PCDHA2: variants seen among roughly 807,000 people sequenced by gnomAD.
The protein encoded by PCDHA2 is protocadherin alpha 2, also known as protocadherin alpha-2.
In PCDHA2, 58 loss-of-function variants were observed where a neutral mutation model predicts 66.0. The observed-to-expected ratio is 0.88, with a 90% CI of 0.71 to 1.09. The LOEUF is 1.09. Among genes scored for constraint, PCDHA2 ranks in the 50% least tolerant of loss-of-function variants. The pLI is 0.00. For synonymous variants in PCDHA2, 634 were observed against 554.0 expected (o/e 1.14, Z -2.03); for missense variants, 1,267 against 1,242.3 (o/e 1.02, Z -0.30).
At chr5:140,862,291 C>G (rs1029513176) in intron 1 of PCDHA2, 4 of 265,238 alleles carry the variant, frequency 1.5e-5, no homozygotes, top group African/African-American at 6.6e-5. Context: ...TACAGGAGGA[C>G]GCTCCACTGG....
intron 1 of PCDHA2, chr5:140,828,044 C>A (rs2150150318): frequency 6.5e-7 from 1 of 1,542,076 alleles, no homozygotes; most frequent in Admixed American, 2.1e-5. Flanking sequence ...AGTATTTTAT[C>A]TTTATGCGGA....
At position 140,877,744 on chromosome 5, in the gene PCDHA2, G is replaced by T. The variant is rs200651425; in HGVS notation, c.2388+80392G>T. ...TTACTCGCAGCAGAGGAGGCAGAGG[G>T]TGTGCTCTGCAGAGAGCCCGCCCAA... On this transcript the variant is annotated intron_variant, in intron 1 of 3. Coordinates refer to ENST00000526136, the MANE Select transcript of PCDHA2 (RefSeq NM_018905.3). The T allele has an allele frequency of 3.3e-3, 5,393 of 1,614,198 alleles. 26 individuals carry two copies. Among genetic ancestry groups the T allele is most frequent in the South Asian group, 0.011 (995 of 91,084 alleles).
chr5:140,830,233 G>T (rs2150183193), intron 1 of PCDHA2: 2 of 1,613,906 alleles, frequency 1.2e-6, no homozygotes, highest in East Asian at 4.5e-5. Context: ...TGGTCCTCAC[G>T]CTACTGCTGT....
intron 1 of PCDHA2, chr5:140,860,091 C>A (rs1199656209): frequency 4.0e-5 from 6 of 150,914 alleles, no homozygotes; most frequent in African/African-American, 1.5e-4. Context: ...GAGTTCAAGA[C>A]CAACCTGGGC....
Position 140,978,839 on chromosome 5 carries a change from C to CT in PCDHA2, c.2389-104dup, listed in dbSNP as rs5871758. On this transcript the variant is annotated intron_variant, in intron 1 of 3. Transcript: ENST00000526136. ...TACACATGAAATGGCTCATTCAATA[C>CT]TTTTTTAGATGCCTGGAAATATTTA... 14,607 of 1,556,970 alleles carry CT rather than the reference C, an allele frequency of 9.4e-3. 629 individuals carry two copies. The African/African-American group carries it at 0.12, about 13-fold the overall frequency.
chr5:140,926,680 A>C (rs2153583997), intron 1 of PCDHA2: 1 of 637,102 alleles, frequency 1.6e-6, no homozygotes, highest in Non-Finnish European at 2.4e-6. Flanking sequence ...CCCAGCCTCC[A>C]GCCTAGCAAG....
At chr5:140,925,866 G>A (rs952823745) in intron 1 of PCDHA2, among the ~76,000 whole-genome samples, 2 of 152,002 alleles carry the variant, frequency 1.3e-5, no homozygotes, top group Admixed American at 1.3e-4. Flanking sequence ...TATTGCTATT[G>A]ACTGGTTTAT....
intron 1 of PCDHA2, among the ~76,000 whole-genome samples, chr5:140,880,366 C>A (rs2058318245): frequency 6.6e-6 from 1 of 152,052 alleles, no homozygotes; most frequent in African/African-American, 2.4e-5. Flanking sequence ...AGATGAAAAC[C>A]ATGAGAGAAT....
intron 3 of PCDHA2, among the ~76,000 whole-genome samples, chr5:140,987,254 T>C (rs1358606591): frequency 1.3e-5 from 2 of 151,878 alleles, no homozygotes; most frequent in Non-Finnish European, 1.5e-5. Flanking sequence ...AAAGACATTC[T>C]CAGGAATGGG....
intron 1 of PCDHA2, among the ~76,000 whole-genome samples, chr5:140,799,583 A>T (rs1034924716): frequency 8.5e-5 from 13 of 152,082 alleles, no homozygotes; most frequent in African/African-American, 3.1e-4. Context: ...GATATTAACA[A>T]ATATCATTAA....
chr5:140,985,504 A>G (rs1368014181), intron 3 of PCDHA2, among the ~76,000 whole-genome samples: 2 of 152,170 alleles, frequency 1.3e-5, no homozygotes, highest in Non-Finnish European at 2.9e-5. Context: ...CCTGCCTTTC[A>G]TTGATTCTGT....
chr5:141,002,877 A>G (rs989540490), intron 3 of PCDHA2, among the ~76,000 whole-genome samples: 1 of 152,252 alleles, frequency 6.6e-6, no homozygotes, highest in Non-Finnish European at 1.5e-5. Context: ...CCTCAAGAAC[A>G]GAAAGAGAAC....
At chr5:140,994,036 A>G (rs1176195849) in intron 3 of PCDHA2, among the ~76,000 whole-genome samples, 1 of 152,210 alleles carries the variant, frequency 6.6e-6, no homozygotes, top group African/African-American at 2.4e-5. Flanking sequence ...AATATTAAAT[A>G]TAACACAGTC....
chr5:140,834,958 T>C (rs2150229449), intron 1 of PCDHA2: 5 of 1,531,514 alleles, frequency 3.3e-6, no homozygotes, highest in Non-Finnish European at 4.4e-6. Flanking sequence ...GTAAAACCTC[T>C]TGGACTTGTA....
chr5:140,869,340 G>A (rs1554162920), intron 1 of PCDHA2: 4 of 1,614,018 alleles, frequency 2.5e-6, no homozygotes, highest in Non-Finnish European at 3.4e-6. Flanking sequence ...AGGTAAATCT[G>A]CAGAATGGCA....
At position 140,859,521 on chromosome 5, in the gene PCDHA2, A is replaced by T. The variant is rs187641727; in HGVS notation, c.2388+62169A>T. 138 of 194,130 alleles carry T rather than the reference A, an allele frequency of 7.1e-4. 7 individuals are homozygous for T. The highest frequency in any genetic ancestry group is 1.9e-3 in the East Asian group (11 of 5,678). 12.0% of individuals were successfully genotyped at this position (194,130 alleles called of 1,614,324 possible). A position where few individuals can be genotyped will look rare whatever the true frequency, so the allele number is the denominator to read the frequency against. On this transcript the variant is annotated intron_variant, in intron 1 of 3. Coordinates refer to ENST00000526136, the MANE Select transcript of PCDHA2 (RefSeq NM_018905.3). ...ACCTGATACCCATGATTTCATTTTTAAAAAAAATTTATTAATTCTAGTGTT... is the reference window on the plus strand; with the variant it reads ...ACCTGATACCCATGATTTCATTTTTTAAAAAAATTTATTAATTCTAGTGTT...
In PCDHA2 at chr5:140,796,470, C is replaced by T; in HGVS notation, c.1506C>T (p.Arg502=). Residue 502 remains arginine, a synonymous_variant, in exon 1 of 4, where the codon CGC becomes CGT. Coordinates refer to ENST00000526136, the MANE Select transcript of PCDHA2 (RefSeq NM_018905.3). ...TGGTGGAGCGGCGGGTGGGCGAGCG[C>T]GCGTTGTCGAGCTACGTTTCGGTGC... The part of the protein sequence containing the change: ...YSLVERRVGE[R]ALSSYVSVHA... 6.2e-7 allele frequency: 1 copy of T among 1,612,184 alleles called. No homozygotes were observed. The highest frequency in any genetic ancestry group is 8.5e-7 in the Non-Finnish European group (1 of 1,179,824).
chr5:140,846,891 T>A (rs1554141528), intron 1 of PCDHA2, among the ~76,000 whole-genome samples: 1 of 149,346 alleles, frequency 6.7e-6, no homozygotes, highest in Non-Finnish European at 1.5e-5. Flanking sequence ...CAGAATGACG[T>A]TGAAGTTGAA....
At chr5:140,797,516 C>G in intron 1 of PCDHA2, 164 bp downstream of exon 1, 12 of 845,034 alleles carry the variant, frequency 1.4e-5, no homozygotes, top group Non-Finnish European at 1.8e-5. Context: ...ATTTACTGAA[C>G]AATTTATTTA....
Sources: gnomAD v4.1 joint callset for allele counts (sites outside exome capture counted in the v4.1 genomes callset) on GRCh38, gnomAD v4.1.1 for gene constraint, MANE v1.5 for transcripts, NCBI Gene and HGNC (gene_info 2026-07-23, HGNC 2026-07-21) for gene names.